The following PDE1A variants were observed in gnomAD, a reference collection of about 807,000 sequenced individuals.
PDE1A encodes the protein phosphodiesterase 1A.
PDE1A carries 35 observed loss-of-function variants against 61.7 expected under a neutral mutation model. The observed-to-expected ratio is 0.57, with a 90% CI of 0.43 to 0.75. The LOEUF (loss-of-function observed/expected upper bound fraction) is 0.75, where lower values mean the gene tolerates loss of function less well. Ranked by LOEUF, PDE1A falls within the 30% of genes least tolerant of loss-of-function variation. The pLI, the probability that PDE1A is intolerant of heterozygous loss-of-function variation, is 0.00. For synonymous variants in PDE1A, 232 were observed against 213.2 expected, an observed-to-expected ratio of 1.09 and a Z score of -0.77; for missense variants, 597 against 630.6, an observed-to-expected ratio of 0.95 and a Z score of 0.57.
the PDE1A span, among the ~76,000 whole-genome samples, chr2:182,588,389 A>C: frequency 1.1e-4 from 17 of 152,306 alleles, no homozygotes; most frequent in African/African-American, 4.1e-4. Context: ...AAGTTCCTGT[A>C]GTTTTAAATT....
At chr2:182,369,428 G>T (rs1470877850) in intron 1 of PDE1A, among the ~76,000 whole-genome samples, 1 of 152,138 alleles carries the variant, frequency 6.6e-6, no homozygotes, top group East Asian at 1.9e-4. Context: ...TTAAAAGGCA[G>T]CTGCAATAAA....
At chr2:182,217,861 A>C (rs368057486) in intron 7 of PDE1A, among the ~76,000 whole-genome samples, 12 of 151,922 alleles carry the variant, frequency 7.9e-5, no homozygotes, top group Admixed American at 2.6e-4. Flanking sequence ...TTCAGTGTGG[A>C]GATTCCTCAG....
the PDE1A span, among the ~76,000 whole-genome samples, chr2:182,627,673 T>C: frequency 2.9e-3 from 438 of 151,878 alleles, 2 homozygotes; most frequent in African/African-American, 0.01. Flanking sequence ...CTGGGTGCAG[T>C]GGCTCATGCC....
chr2:182,283,773 T>C (rs1406712015), intron 1 of PDE1A, among the ~76,000 whole-genome samples: 4 of 152,086 alleles, frequency 2.6e-5, no homozygotes, highest in Non-Finnish European at 4.4e-5. Context: ...GACAAAGTTG[T>C]AAAGATTATG....
At chr2:182,623,949 C>A in the PDE1A span, among the ~76,000 whole-genome samples, 1 of 151,904 alleles carries the variant, frequency 6.6e-6, no homozygotes, top group Non-Finnish European at 1.5e-5. Flanking sequence ...CACCGTGAAA[C>A]CCCATCTCTA....
At chr2:182,227,551 C>T (rs1022024493) in intron 6 of PDE1A, among the ~76,000 whole-genome samples, 1 of 151,018 alleles carries the variant, frequency 6.6e-6, no homozygotes, top group Non-Finnish European at 1.5e-5. Context: ...TGGCATATTA[C>T]AATTAATTAA....
At chr2:182,347,002 G>A (rs992472890) in intron 1 of PDE1A, among the ~76,000 whole-genome samples, 3 of 152,080 alleles carry the variant, frequency 2.0e-5, no homozygotes, top group African/African-American at 2.4e-5. Context: ...TTAAGACACT[G>A]TATTCTTTTT....
At chr2:182,247,406 G>A (rs1290802524) in intron 2 of PDE1A, among the ~76,000 whole-genome samples, 1 of 152,072 alleles carries the variant, frequency 6.6e-6, no homozygotes, top group Admixed American at 6.5e-5. Flanking sequence ...TCATTAAGAT[G>A]GTTATTCCAG....
intron 2 of PDE1A, among the ~76,000 whole-genome samples, chr2:182,446,850 A>T (rs181060261): frequency 1.9e-4 from 29 of 152,118 alleles, no homozygotes; most frequent in African/African-American, 6.5e-4. Flanking sequence ...AAAATTTTTT[A>T]AAATAGTTAA....
chr2:182,255,659 C>CTTTTTTT (rs1303654382), intron 2 of PDE1A, among the ~76,000 whole-genome samples: 1 of 133,570 alleles, frequency 7.5e-6, no homozygotes, highest in African/African-American at 2.8e-5. Flanking sequence ...TCTTTCTTTT[C>CTTTTTTT]TTTTTTTTTT....
the PDE1A span, among the ~76,000 whole-genome samples, chr2:182,612,983 A>T: frequency 6.6e-6 from 1 of 152,174 alleles, no homozygotes; most frequent in South Asian, 2.1e-4. Context: ...TTTTACTCAC[A>T]CTGAATCTGC....
At chr2:182,603,970 T>C in the PDE1A span, among the ~76,000 whole-genome samples, 1 of 152,068 alleles carries the variant, frequency 6.6e-6, no homozygotes, top group African/African-American at 2.4e-5. Context: ...GTAAACCCTT[T>C]CATAAAAGTG....
chr2:182,507,272 T>C (rs1033826247), intron 2 of PDE1A, among the ~76,000 whole-genome samples: 2 of 152,166 alleles, frequency 1.3e-5, no homozygotes, highest in East Asian at 1.9e-4. Flanking sequence ...TGTGGGTGCA[T>C]ATCAACTAGC....
chr2:182,576,382 AAT>A, the PDE1A span, among the ~76,000 whole-genome samples: 11 of 152,168 alleles, frequency 7.2e-5, no homozygotes, highest in African/African-American at 2.4e-4. Context: ...CTTGTTGTAG[AAT>A]ATGTTAGTAT....
chr2:182,272,950 C>A (rs1693141194), intron 1 of PDE1A, among the ~76,000 whole-genome samples: 1 of 151,962 alleles, frequency 6.6e-6, no homozygotes, highest in African/African-American at 2.4e-5. Flanking sequence ...CAAAATAAGG[C>A]ACAATATCTC....
chr2:182,648,822 A>T, the PDE1A span, among the ~76,000 whole-genome samples: 2 of 152,208 alleles, frequency 1.3e-5, no homozygotes, highest in East Asian at 1.9e-4. Context: ...AAATGCCAAC[A>T]CTTCCAGTCA....
At chr2:182,468,575 A>G (rs1182850726) in intron 2 of PDE1A, among the ~76,000 whole-genome samples, 1 of 151,938 alleles carries the variant, frequency 6.6e-6, no homozygotes, top group Admixed American at 6.6e-5. Context: ...GCTGGAGTCA[A>G]CTTCTGAACT....
At chr2:182,195,198 A>G (rs2125441672) in intron 10 of PDE1A, among the ~76,000 whole-genome samples, 1 of 152,298 alleles carries the variant, frequency 6.6e-6, no homozygotes, top group Non-Finnish European at 1.5e-5. Context: ...AAAATACTTC[A>G]TAAGCAATGG....
intron 13 of PDE1A, among the ~76,000 whole-genome samples, chr2:182,172,940 G>A (rs142910262): frequency 1.3e-3 from 196 of 152,092 alleles, no homozygotes; most frequent in East Asian, 7.3e-3. Flanking sequence ...CAGGAGTAGA[G>A]AGCAAACATT....
Sources: allele counts gnomAD v4.1 joint callset (sites outside exome capture counted in the v4.1 genomes callset), GRCh38; gene constraint gnomAD v4.1.1; transcripts MANE v1.5; gene names NCBI Gene and HGNC (gene_info 2026-07-23, HGNC 2026-07-21).